The following GRIA4 variants were observed in gnomAD, a reference collection of about 807,000 sequenced individuals.
The protein encoded by GRIA4 is glutamate receptor 4.
A neutral mutation model predicts 104.0 loss-of-function variants in GRIA4; 34 were observed. The observed-to-expected ratio is 0.33, with a 90% CI of 0.25 to 0.44. GRIA4 has a LOEUF of 0.44. Among genes scored for constraint, GRIA4 ranks in the 20% least tolerant of loss-of-function variants. The pLI is 1.00. For synonymous variants in GRIA4, 386 were observed against 381.9 expected, an observed-to-expected ratio of 1.01 and a Z score of -0.13; for missense variants, 750 against 1,096.5, an observed-to-expected ratio of 0.68 and a Z score of 4.46.
chr11:105,840,102 TA>T (rs1053615781), intron 4 of GRIA4, among the ~76,000 whole-genome samples: 1 of 152,212 alleles, frequency 6.6e-6, no homozygotes, highest in African/African-American at 2.4e-5. Context: ...AAAATTATTT[TA>T]AAACAATTTG....
chr11:105,872,135 A>G (rs982793286), intron 5 of GRIA4, among the ~76,000 whole-genome samples: 3 of 152,076 alleles, frequency 2.0e-5, no homozygotes, highest in Non-Finnish European at 4.4e-5. Context: ...AAAAATTCCT[A>G]TGGCAAAGAA....
intron 3 of GRIA4, among the ~76,000 whole-genome samples, chr11:105,668,195 T>TAC (rs774668336): frequency 7.3e-4 from 83 of 113,110 alleles, no homozygotes; most frequent in African/African-American, 2.2e-3. Context: ...CTCCATTGCA[T>TAC]ATACACACAC....
chr11:105,656,471 T>C (rs1951850057), intron 3 of GRIA4, among the ~76,000 whole-genome samples: 1 of 152,180 alleles, frequency 6.6e-6, no homozygotes, highest in Admixed American at 6.5e-5. Flanking sequence ...GGGCAAAGAC[T>C]TCATGACTAA....
intron 3 of GRIA4, among the ~76,000 whole-genome samples, chr11:105,720,684 G>T (rs1177352323): frequency 6.6e-6 from 1 of 152,046 alleles, no homozygotes; most frequent in Non-Finnish European, 1.5e-5. Flanking sequence ...ATTAATACAC[G>T]TCTTGCTTCC....
chr11:105,946,473 G>A (rs904700271), intron 14 of GRIA4, among the ~76,000 whole-genome samples: 20 of 151,980 alleles, frequency 1.3e-4, no homozygotes, highest in Admixed American at 6.6e-5. Context: ...GTTGTCCTAC[G>A]TACCCAGGAG....
chr11:105,728,738 G>C lies in GRIA4; in HGVS notation c.248-24243G>C, dbSNP rs961470645. On this transcript the variant is annotated intron_variant, in intron 3 of 16. Coordinates refer to ENST00000282499, the MANE Select transcript of GRIA4 (RefSeq NM_000829.4). ...CAACTACATGGAAACTGAATAACCTGCTCCTGAATCACTGCTGGATAAATA... is the reference window on the plus strand; with the variant it reads ...CAACTACATGGAAACTGAATAACCTCCTCCTGAATCACTGCTGGATAAATA... Among the ~76,000 whole-genome samples, 3 of 152,136 alleles carry C rather than the reference G, an allele frequency of 2.0e-5. No individual in the cohort carries two copies. The East Asian group carries it at 5.8e-4, about 29-fold the overall frequency.
chr11:105,684,171 G>A lies in GRIA4; in HGVS notation c.248-68810G>A, dbSNP rs147404958. Among the ~76,000 whole-genome samples the A allele has an allele frequency of 1.9e-3, 295 of 152,214 alleles. 2 individuals carry two copies. Among genetic ancestry groups the A allele is most frequent in the African/African-American group, 6.9e-3 (286 of 41,518 alleles). ...TTACAGGCTTGAGCCACTGCGCCGG[G>A]CCAAATGCATATTCTTAAATTGAGG... On this transcript the variant is annotated intron_variant, in intron 3 of 16. Transcript: ENST00000282499.
intron 4 of GRIA4, among the ~76,000 whole-genome samples, chr11:105,775,876 A>G (rs1941426246): frequency 6.6e-6 from 1 of 151,998 alleles, no homozygotes; most frequent in Non-Finnish European, 1.5e-5. Context: ...ATCTTTTTTG[A>G]GAAAATTTTG....
chr11:105,782,510 C>T (rs559775170), intron 4 of GRIA4, among the ~76,000 whole-genome samples: 23 of 152,084 alleles, frequency 1.5e-4, no homozygotes, highest in Non-Finnish European at 5.9e-5. Flanking sequence ...TTTTCCATTA[C>T]GCTGCATCAA....
At chr11:105,639,723 T>C (rs1366298207) in intron 3 of GRIA4, among the ~76,000 whole-genome samples, 2 of 152,010 alleles carry the variant, frequency 1.3e-5, no homozygotes, top group Non-Finnish European at 1.5e-5. Flanking sequence ...ATTACTTTCC[T>C]AAAGTGACAT....
intron 4 of GRIA4, among the ~76,000 whole-genome samples, chr11:105,845,123 C>T (rs1416271930): frequency 6.6e-6 from 1 of 152,290 alleles, no homozygotes; most frequent in African/African-American, 2.4e-5. Flanking sequence ...GATTCTCACT[C>T]AGGTGTGTCT....
At chr11:105,806,603 A>T (rs1412799732) in intron 4 of GRIA4, among the ~76,000 whole-genome samples, 2 of 151,894 alleles carry the variant, frequency 1.3e-5, no homozygotes, top group Non-Finnish European at 2.9e-5. Context: ...GCAGACACAA[A>T]ACAGTTTAGA....
chr11:105,652,027 C>T (rs1427477054), intron 3 of GRIA4, among the ~76,000 whole-genome samples: 1 of 152,056 alleles, frequency 6.6e-6, no homozygotes, highest in East Asian at 1.9e-4. Context: ...TGATATTTTA[C>T]ACTTATCAGG....
chr11:105,614,963 T>G (rs1283014506), intron 3 of GRIA4, among the ~76,000 whole-genome samples: 1 of 151,954 alleles, frequency 6.6e-6, no homozygotes, highest in Non-Finnish European at 1.5e-5. Flanking sequence ...AATTTAATAT[T>G]CTAGATAATT....
At chr11:105,759,600 T>C (rs1940505874) in intron 4 of GRIA4, among the ~76,000 whole-genome samples, 1 of 152,200 alleles carries the variant, frequency 6.6e-6, no homozygotes, top group Non-Finnish European at 1.5e-5. Flanking sequence ...TCTCATTTCA[T>C]AGTCCACTTC....
chr11:105,978,182 C>A (rs1859085611), intron 16 of GRIA4, among the ~76,000 whole-genome samples: 2 of 151,988 alleles, frequency 1.3e-5, no homozygotes, highest in African/African-American at 2.4e-5. Flanking sequence ...GGTCATTCAT[C>A]CACTCAACAA....
At chr11:105,748,510 G>C (rs1186426973) in intron 3 of GRIA4, among the ~76,000 whole-genome samples, 2 of 151,998 alleles carry the variant, frequency 1.3e-5, no homozygotes, top group South Asian at 4.1e-4. Context: ...AGCCTCCCGA[G>C]TAGCTGGGAT....
At chr11:105,873,990 C>A (rs2136058056) in intron 5 of GRIA4, among the ~76,000 whole-genome samples, 1 of 152,154 alleles carries the variant, frequency 6.6e-6, no homozygotes. Context: ...AAGTCTTTGC[C>A]CATGCCTATG....
intron 3 of GRIA4, among the ~76,000 whole-genome samples, chr11:105,664,121 G>T (rs913975454): frequency 6.8e-6 from 1 of 147,032 alleles, no homozygotes; most frequent in African/African-American, 2.5e-5. Flanking sequence ...ATGTTGTTGA[G>T]GGATGCCGTG....
Sources: gnomAD v4.1 joint callset for allele counts (sites outside exome capture counted in the v4.1 genomes callset) on GRCh38, gnomAD v4.1.1 for gene constraint, MANE v1.5 for transcripts, NCBI Gene and HGNC (gene_info 2026-07-23, HGNC 2026-07-21) for gene names.